Variants in CSMD1 observed in about 807,000 individuals in gnomAD.
CSMD1 encodes CUB and Sushi multiple domains 1, also known as CUB and sushi domain-containing protein 1.
Under a neutral mutation model 417.5 loss-of-function variants are expected in CSMD1, and 213 were observed. The observed-to-expected ratio is 0.51, with a 90% CI of 0.46 to 0.57. The LOEUF (loss-of-function observed/expected upper bound fraction) is 0.57. Among genes scored for constraint, CSMD1 ranks in the 20% least tolerant of loss-of-function variants. CSMD1 has a pLI of 0.00. For missense variants in CSMD1, 6,923 were observed against 4,529.7 expected (o/e 1.53, Z -15.17); for synonymous variants, 2,862 against 1,736.8 (o/e 1.65, Z -16.11).
chr8:4,124,053 T>A (rs765992239), intron 3 of CSMD1, among the ~76,000 whole-genome samples: 7 of 152,090 alleles, frequency 4.6e-5, no homozygotes, highest in Non-Finnish European at 7.4e-5. Context: ...CGGAACGACA[T>A]TCCCAACACA....
At chr8:4,733,262 T>C (rs557410359) in intron 1 of CSMD1, among the ~76,000 whole-genome samples, 1 of 152,250 alleles carries the variant, frequency 6.6e-6, no homozygotes, top group Admixed American at 6.5e-5. Flanking sequence ...TTGAGAAACA[T>C]CAACAATATG....
At chr8:3,382,963 G>C (rs1050592545) in intron 18 of CSMD1, among the ~76,000 whole-genome samples, 2 of 152,058 alleles carry the variant, frequency 1.3e-5, no homozygotes, top group Admixed American at 1.3e-4. Flanking sequence ...ATGCTCACAG[G>C]CATGGCCACT....
intron 1 of CSMD1, among the ~76,000 whole-genome samples, chr8:4,818,613 C>G (rs962673007): frequency 6.6e-6 from 1 of 152,072 alleles, no homozygotes; most frequent in Non-Finnish European, 1.5e-5. Context: ...TTGTCACACC[C>G]TTGAGGGAAA....
intron 3 of CSMD1, among the ~76,000 whole-genome samples, chr8:4,168,721 C>T (rs917348452): frequency 6.6e-6 from 1 of 152,066 alleles, no homozygotes; most frequent in African/African-American, 2.4e-5. Context: ...AAAAAAGAAC[C>T]CAACTCTTAG....
chr8:3,575,204 A>T, intron 9 of CSMD1, 138 bp from the exon 10 acceptor site: 3 of 904,488 alleles, frequency 3.3e-6, no homozygotes, highest in East Asian at 2.7e-5. Context: ...ATGGACTCCA[A>T]CTGGGGCATG....
chr8:4,901,439 G>T (rs12547030), intron 1 of CSMD1, among the ~76,000 whole-genome samples: 2 of 151,880 alleles, frequency 1.3e-5, no homozygotes, highest in African/African-American at 4.8e-5. Context: ...AGTTTTCATA[G>T]AATTTAATAC....
intron 1 of CSMD1, among the ~76,000 whole-genome samples, chr8:4,758,419 C>G (rs1449242554): frequency 6.6e-6 from 1 of 152,064 alleles, no homozygotes; most frequent in Non-Finnish European, 1.5e-5. Context: ...GATTGTAGAA[C>G]ACAAAATGGC....
At chr8:3,535,225 T>A (rs1441381137) in intron 10 of CSMD1, among the ~76,000 whole-genome samples, 1 of 152,130 alleles carries the variant, frequency 6.6e-6, no homozygotes, top group Non-Finnish European at 1.5e-5. Flanking sequence ...AGCTCTAGGA[T>A]TACAGGCATG....
At chr8:3,237,206 A>G (rs7013443) in intron 26 of CSMD1, among the ~76,000 whole-genome samples, 116,074 of 151,214 alleles carry the variant, frequency 0.77, 45,256 homozygotes, top group Non-Finnish European at 0.84. Context: ...GGTAGCTCAC[A>G]CCTGCAATCC....
chr8:4,118,107 G>T (rs185159427), intron 3 of CSMD1, among the ~76,000 whole-genome samples: 79 of 152,206 alleles, frequency 5.2e-4, no homozygotes, highest in Middle Eastern at 3.4e-3. Flanking sequence ...TTGTGTGTTT[G>T]CAGGTGTACA....
intron 3 of CSMD1, among the ~76,000 whole-genome samples, chr8:4,274,548 G>A (rs1246840812): frequency 2.0e-5 from 3 of 152,076 alleles, no homozygotes; most frequent in African/African-American, 7.2e-5. Context: ...AGAGGTCTGT[G>A]TTTATAGGGA....
chr8:3,396,246 C>G lies in CSMD1; in HGVS notation c.2541G>C (p.Leu847=), dbSNP rs3802303. The G allele has an allele frequency of 3.8e-6, 6 of 1,576,258 alleles. No homozygotes were observed. Among genetic ancestry groups the G allele is most frequent in the African/African-American group, 2.7e-5 (2 of 74,100 alleles). ...LISTGNFMYL[L]FTTDNSRSSI... ...TGGAGCGGCTGTTGTCAGTGGTGAACAGCAGGTACATGAAGTTCCCGGTGC... is the reference window on the plus strand; with the variant it reads ...TGGAGCGGCTGTTGTCAGTGGTGAAGAGCAGGTACATGAAGTTCCCGGTGC... Residue 847 remains leucine (L), a synonymous_variant, in exon 17 of 70, where the codon CTG becomes CTC. Transcript: ENST00000635120.
chr8:4,465,132 C>G (rs1043539301), intron 2 of CSMD1, among the ~76,000 whole-genome samples: 3 of 152,124 alleles, frequency 2.0e-5, no homozygotes, highest in Admixed American at 6.6e-5. Context: ...CCATCTAAGG[C>G]TCAGAATATT....
Position 3,217,629 on chromosome 8 carries a change from G to C in CSMD1, c.4672+1626C>G, listed in dbSNP as rs112108287. 1.8e-3 allele frequency among the ~76,000 whole-genome samples: 270 copies of C among 152,250 alleles called. 1 individual carries two copies. The highest frequency in any genetic ancestry group is 6.4e-3 in the African/African-American group (264 of 41,560). On this transcript the variant is annotated intron_variant, in intron 29 of 69. Transcript: ENST00000635120. ...AGAAACTAAATTATGATGTGGCAAA[G>C]GCTCAAAAGTACTGTTTTCAACTAT...
chr8:3,580,422 G>C (rs1009393631), intron 9 of CSMD1, among the ~76,000 whole-genome samples: 1 of 152,082 alleles, frequency 6.6e-6, no homozygotes, highest in African/African-American at 2.4e-5. Flanking sequence ...TCCAGAGAGG[G>C]GAAACCAAAT....
intron 3 of CSMD1, among the ~76,000 whole-genome samples, chr8:4,376,063 G>A (rs565484198): frequency 2.0e-5 from 3 of 152,228 alleles, no homozygotes; most frequent in Non-Finnish European, 2.9e-5. Context: ...TGAAGCTAGA[G>A]AAGAAAATTT....
At chr8:4,815,237 G>A (rs1360982631) in intron 1 of CSMD1, among the ~76,000 whole-genome samples, 3 of 151,096 alleles carry the variant, frequency 2.0e-5, no homozygotes, top group African/African-American at 4.9e-5. Context: ...ATTATTTGAT[G>A]AAACCACAAT....
intron 5 of CSMD1, among the ~76,000 whole-genome samples, chr8:3,787,554 G>T (rs761747516): frequency 8.5e-5 from 13 of 152,158 alleles, no homozygotes; most frequent in Non-Finnish European, 1.8e-4. Context: ...GAATAGGTAA[G>T]AAGATACAGA....
At chr8:3,852,728 G>A (rs1422909962) in intron 5 of CSMD1, among the ~76,000 whole-genome samples, 1 of 151,966 alleles carries the variant, frequency 6.6e-6, no homozygotes, top group Non-Finnish European at 1.5e-5. Context: ...GAGATGGAGG[G>A]TCAGGTAAGC....
Sources: allele counts gnomAD v4.1 joint callset (sites outside exome capture counted in the v4.1 genomes callset), GRCh38; gene constraint gnomAD v4.1.1; transcripts MANE v1.5; gene names NCBI Gene and HGNC (gene_info 2026-07-23, HGNC 2026-07-21).